TNPO3: variants seen among roughly 807,000 people sequenced by gnomAD.
TNPO3 encodes the protein transportin-3.
A neutral mutation model predicts 122.8 loss-of-function variants in TNPO3; 65 were observed. That is an observed-to-expected ratio of 0.53 (90% CI 0.43 to 0.65). The LOEUF is 0.65. TNPO3 is among the 30% of genes least tolerant of loss of function. The pLI is 0.00. For synonymous variants in TNPO3, 372 were observed against 411.2 expected, an observed-to-expected ratio of 0.90 and a Z score of 1.15; for missense variants, 850 against 1,136.7, an observed-to-expected ratio of 0.75 and a Z score of 3.63.
intron 9 of TNPO3, among the ~76,000 whole-genome samples, chr7:128,993,194 T>C (rs1444255870): frequency 1.3e-5 from 2 of 152,008 alleles, no homozygotes. Context: ...AAGTGGTATT[T>C]CAGAGCTCAT....
intron 1 of TNPO3, among the ~76,000 whole-genome samples, chr7:129,038,732 C>A (rs1389674677): frequency 6.6e-6 from 1 of 152,192 alleles, no homozygotes; most frequent in Non-Finnish European, 1.5e-5. Context: ...AACACAGGAT[C>A]AGAAAACCAA....
At position 128,984,262 on chromosome 7, in the gene TNPO3, GA is replaced by G. The variant is rs778654304; in HGVS notation, c.1691-4del. ...TCGGGCTAGGACAAGTGCTGTCCCT[GA>G]AAAACAAAGGAAGATACAAATGAAA... On this transcript the variant is annotated splice_polypyrimidine_tract_variant and splice_region_variant and intron_variant, in intron 12 of 22. Transcript: ENST00000265388. 1 of 1,602,110 alleles carries G rather than the reference GA, an allele frequency of 6.2e-7. No individual in the cohort carries two copies. The highest frequency in any genetic ancestry group is 2.2e-5 in the East Asian group (1 of 44,640).
intron 21 of TNPO3, among the ~76,000 whole-genome samples, chr7:128,961,262 CT>C (rs1466529972): frequency 1.3e-5 from 2 of 151,076 alleles, no homozygotes; most frequent in African/African-American, 2.4e-5. Context: ...ACAGGTATAC[CT>C]TTTTTTTTCT....
chr7:128,983,467 T>C (rs985375366), intron 13 of TNPO3, among the ~76,000 whole-genome samples: 2 of 152,120 alleles, frequency 1.3e-5, no homozygotes, highest in Admixed American at 6.5e-5. Context: ...GCCTCCAAAA[T>C]GCTGGGATTA....
At chr7:129,047,664 A>T (rs1448180095) in intron 1 of TNPO3, among the ~76,000 whole-genome samples, 2 of 152,254 alleles carry the variant, frequency 1.3e-5, no homozygotes, top group Non-Finnish European at 2.9e-5. Context: ...GGTCATTCGA[A>T]CTATACTCAA....
chr7:129,036,150 T>C (rs561905982), intron 1 of TNPO3, among the ~76,000 whole-genome samples: 79 of 152,182 alleles, frequency 5.2e-4, no homozygotes, highest in African/African-American at 1.8e-3. Context: ...GACGGGGGTT[T>C]CACCATATTG....
In TNPO3 at chr7:128,987,521, T is replaced by A. The variant is rs1423538741; in HGVS notation, c.1499-601A>T. Among the ~76,000 whole-genome samples the A allele has an allele frequency of 4.6e-5, 7 of 152,246 alleles. No homozygotes were observed. In the East Asian group the frequency reaches 1.3e-3, roughly 29 times the overall value. On this transcript the variant is annotated intron_variant, in intron 11 of 22. Transcript: ENST00000265388. ...ATTTCTATAGAGCTAATTCTACTCA[T>A]CTTTTTATCTTCTTTTATAAAAATC... is the stretch of plus-strand genomic sequence containing the variant.
intron 15 of TNPO3, among the ~76,000 whole-genome samples, chr7:128,979,429 A>G (rs1799412861): frequency 2.6e-5 from 4 of 152,352 alleles, no homozygotes; most frequent in South Asian, 2.1e-4. Context: ...GGTACGAGCT[A>G]TATAGGAAGA....
At chr7:129,009,077 C>G (rs1802898655) in intron 4 of TNPO3, among the ~76,000 whole-genome samples, 1 of 152,178 alleles carries the variant, frequency 6.6e-6, no homozygotes, top group African/African-American at 2.4e-5. Flanking sequence ...TTAAAGTCCT[C>G]AAAAGCTTCA....
chr7:129,026,289 C>T lies in TNPO3; in HGVS notation c.121-8132G>A, dbSNP rs1017941119. On this transcript the variant is annotated intron_variant, in intron 1 of 22. Coordinates refer to ENST00000265388, the MANE Select transcript of TNPO3 (RefSeq NM_012470.4). ...CAAAAAAACAAAACAATTACTTGCC[C>T]CCAGGCAAACCAGTAATCTTAGAGG... 7.2e-5 allele frequency among the ~76,000 whole-genome samples: 11 copies of T among 152,044 alleles called. No individual in the cohort carries two copies. In the East Asian group the frequency reaches 1.3e-3, roughly 19 times the overall value.
rs188931945 is a variant in TNPO3, at chr7:129,001,021, A to G, written c.872+38T>C. 5.4e-3 allele frequency: 8,603 copies of G among 1,601,740 alleles called. 34 individuals are homozygous for G. The highest frequency in any genetic ancestry group is 6.7e-3 in the Non-Finnish European group (7,885 of 1,169,966). On this transcript the variant is annotated intron_variant, in intron 6 of 22. Transcript: ENST00000265388. The stretch of plus-strand genomic sequence containing the variant: ...TGACTTAAAAGAATGACCAGACTGT[A>G]GGTAAACCCAGGGCTCCAGACTTAA...
chr7:129,009,046 G>A (rs1466221377), intron 4 of TNPO3, among the ~76,000 whole-genome samples: 2 of 152,162 alleles, frequency 1.3e-5, no homozygotes, highest in Non-Finnish European at 2.9e-5. Flanking sequence ...TGAGAGCTAT[G>A]CTATGTTAAA....
chr7:129,030,529 G>A (rs1208952507), intron 1 of TNPO3: 1 of 153,566 alleles, frequency 6.5e-6, no homozygotes, highest in African/African-American at 2.4e-5. Flanking sequence ...GTATTAATAT[G>A]TAGATATCAC....
intron 20 of TNPO3, among the ~76,000 whole-genome samples, chr7:128,968,483 T>C (rs932328039): frequency 2.0e-5 from 3 of 152,200 alleles, no homozygotes; most frequent in African/African-American, 7.2e-5. Context: ...TAATATTTCT[T>C]CATCCCTTTC....
intron 1 of TNPO3, among the ~76,000 whole-genome samples, chr7:129,021,185 G>A (rs573989041): frequency 5.3e-5 from 8 of 152,038 alleles, no homozygotes; most frequent in African/African-American, 9.6e-5. Flanking sequence ...GTGAAACCCC[G>A]TCTCTACTAA....
chr7:128,979,825 T>C (rs1003314714), intron 15 of TNPO3, 146 bp downstream of exon 15: 4 of 729,512 alleles, frequency 5.5e-6, no homozygotes, highest in Non-Finnish European at 9.6e-6. Flanking sequence ...TTTGGATGGC[T>C]CTGTCCCTCA....
chr7:129,006,409 A>G (rs1802575805), intron 4 of TNPO3, among the ~76,000 whole-genome samples: 1 of 152,248 alleles, frequency 6.6e-6, no homozygotes, highest in African/African-American at 2.4e-5. Flanking sequence ...AGAATAATAA[A>G]CATGTCATCC....
upstream of TNPO3, chr7:129,055,180 C>T (rs1809346645): frequency 6.2e-6 from 1 of 161,224 alleles, no homozygotes; most frequent in Non-Finnish European, 1.4e-5. Flanking sequence ...AAACGGCCTC[C>T]TTCCCGGCAC....
At position 129,004,803 on chromosome 7, in the gene TNPO3, C is replaced by T. The variant is rs3807302; in HGVS notation, c.696+213G>A. Among the ~76,000 whole-genome samples, 96,356 of 152,100 alleles carry T rather than the reference C, an allele frequency of 0.63. 30,862 individuals carry two copies. Among genetic ancestry groups the T allele is most frequent in the Middle Eastern group, 0.7 (204 of 292 alleles). ...GTAAATCATGTATCAACATATAAGA[C>T]TGTTTTCCTCTTAAACATAACTATA... On this transcript the variant is annotated intron_variant, in intron 5 of 22. Coordinates refer to ENST00000265388, the MANE Select transcript of TNPO3 (RefSeq NM_012470.4).
Sources: gnomAD v4.1 joint callset for allele counts (sites outside exome capture counted in the v4.1 genomes callset) on GRCh38, gnomAD v4.1.1 for gene constraint, MANE v1.5 for transcripts, NCBI Gene and HGNC (gene_info 2026-07-23, HGNC 2026-07-21) for gene names.